Variants in SSBP4 observed in about 807,000 individuals in gnomAD.
SSBP4 encodes the protein single-stranded DNA-binding protein 4.
Under a neutral mutation model 64.6 loss-of-function variants are expected in SSBP4, and 33 were observed. The ratio of observed to expected loss-of-function variants is 0.51; its 90% CI spans 0.39 to 0.68. The LOEUF (loss-of-function observed/expected upper bound fraction) is 0.68, where lower values mean the gene tolerates loss of function less well. Ranked by LOEUF, SSBP4 falls within the 30% of genes least tolerant of loss-of-function variation. The pLI is 0.00. For synonymous variants in SSBP4, 243 were observed against 224.0 expected, an observed-to-expected ratio of 1.08 and a Z score of -0.76; for missense variants, 583 against 566.8, an observed-to-expected ratio of 1.03 and a Z score of -0.29.
chr19:18,427,212 T>C lies in SSBP4; in HGVS notation c.60-139T>C, dbSNP rs1972918017. On this transcript the variant is annotated intron_variant, in intron 1 of 17. Transcript: ENST00000270061. This position sits in a 1 kb window ranked among gnomAD's most constrained non-coding sequence, Gnocchi z 4.4. ...CTGGGAGGGGCCTGCAGGACATAGA[T>C]GGATAACTATGAGCTGTCCCTGCTG... is the stretch of plus-strand genomic sequence containing the variant. The C allele has an allele frequency of 2.4e-6, 2 of 820,818 alleles. No homozygotes were observed. Among genetic ancestry groups the C allele is most frequent in the Non-Finnish European group, 3.8e-6 (2 of 526,500 alleles). 50.8% of individuals were successfully genotyped at this position (820,818 alleles called of 1,614,324 possible).
chr19:18,417,425 G>A (rs949034434), upstream of SSBP4, among the ~76,000 whole-genome samples: 6 of 152,210 alleles, frequency 3.9e-5, no homozygotes, highest in African/African-American at 1.4e-4. This position sits in a 1 kb window ranked among gnomAD's most constrained non-coding sequence, Gnocchi z 5.4. Flanking sequence ...AACTGGGGGT[G>A]GCAGGAGGGG....
the SSBP4 span, among the ~76,000 whole-genome samples, chr19:18,405,125 A>G: frequency 6.6e-6 from 1 of 151,986 alleles, no homozygotes; most frequent in Non-Finnish European, 1.5e-5. Context: ...GGGTGATGCC[A>G]GAGTCCCTCC....
rs767929576 is a variant in SSBP4 at position 18,433,790 on chromosome 19, C to T, written c.1101C>T (p.Thr367=). The change falls in exon 17 of 18, where the codon ACC becomes ACT. Residue 367 remains threonine, a synonymous_variant. Transcript: ENST00000270061. ...RDDGEMAAAG[T]FLHPFPSESY... Reference sequence around the variant, plus strand: ...ACGGCGAGATGGCGGCCGCCGGGACCTTCCTGCACCCGTTCCCGAGCGAAA... The same window carrying T: ...ACGGCGAGATGGCGGCCGCCGGGACTTTCCTGCACCCGTTCCCGAGCGAAA... 2.8e-6 allele frequency: 4 copies of T among 1,439,010 alleles called. No individual in the cohort carries two copies. The South Asian group carries it at 5.4e-5, about 19-fold the overall frequency. 89.1% of individuals were successfully genotyped at this position (1,439,010 alleles called of 1,614,324 possible).
At position 18,432,083 on chromosome 19, in the gene SSBP4, C is replaced by G. The variant is rs371767046; in HGVS notation, c.636+13C>G. On this transcript the variant is annotated intron_variant, in intron 9 of 17. Coordinates refer to ENST00000270061, the MANE Select transcript of SSBP4 (RefSeq NM_032627.5). ...CGTGGGGCCCCAGGTAAGAGTGGAGCCCTGGTGGGTGGGGCCTTCGGGCTG... is the reference window on the plus strand; with the variant it reads ...CGTGGGGCCCCAGGTAAGAGTGGAGGCCTGGTGGGTGGGGCCTTCGGGCTG... The G allele has an allele frequency of 1.3e-5, 20 of 1,599,184 alleles. No homozygotes were observed. Among genetic ancestry groups the G allele is most frequent in the Non-Finnish European group, 1.6e-5 (19 of 1,170,584 alleles).
At chr19:18,424,524 G>A (rs930306120) in intron 1 of SSBP4, among the ~76,000 whole-genome samples, 5 of 151,838 alleles carry the variant, frequency 3.3e-5, no homozygotes, top group African/African-American at 7.3e-5. Context: ...GAAACAGTGC[G>A]CAGAGGCCCT....
chr19:18,425,098 C>T (rs1444964490), intron 1 of SSBP4, among the ~76,000 whole-genome samples: 3 of 11,716 alleles, frequency 2.6e-4, no homozygotes, highest in Admixed American at 1.0e-3. Context: ...CAGGAGGGGG[C>T]GGAGAGGGCG....
At chr19:18,431,019 G>A in intron 5 of SSBP4, 89 bp downstream of exon 5, 1 of 1,455,740 alleles carries the variant, frequency 6.9e-7, no homozygotes, top group Non-Finnish European at 9.4e-7. Context: ...CAGAGGTCAT[G>A]AGGCCGGCAG....
At chr19:18,421,802 G>A (rs527581951) in intron 1 of SSBP4, among the ~76,000 whole-genome samples, 2 of 152,150 alleles carry the variant, frequency 1.3e-5, no homozygotes, top group Non-Finnish European at 2.9e-5. Context: ...GTGGAGTGGG[G>A]CTTATAGGGG....
chr19:18,433,179 C>A lies in SSBP4; in HGVS notation c.957C>A (p.Ser319Arg). 2 of 1,587,806 alleles carry A rather than the reference C, an allele frequency of 1.3e-6. No individual in the cohort carries two copies. The highest frequency in any genetic ancestry group is 1.7e-6 in the Non-Finnish European group (2 of 1,167,810). The change falls in exon 15 of 18, where the codon AGC becomes AGA. Residue 319 changes from serine (S) to arginine (R), a missense_variant. By Grantham distance (110) the Ser-to-Arg change is moderately radical (BLOSUM62 -1). Around this residue, in one of 5 missense-constraint regions of SSBP4, gnomAD observed 444 missense variants for 386.6 expected, o/e 1.15. Transcript: ENST00000270061. ...CGGAGGGCCCCATGGCCGCCATGAG[C>A]GCGATGGAGCCTCACCACGTGAACG... Reference protein sequence around the residue: ...PGPEGPMAAMSAMEPHHVNGS... With the variant: ...PGPEGPMAAMRAMEPHHVNGS...
chr19:18,433,251 CG>C (rs1568358026), intron 15 of SSBP4, 38 bp downstream of exon 15: 3 of 1,536,738 alleles, frequency 2.0e-6, no homozygotes, highest in Non-Finnish European at 2.6e-6. Context: ...CGTTGCCTTC[CG>C]GGCCCGTGCG....
At chr19:18,403,184 C>T in the SSBP4 span, among the ~76,000 whole-genome samples, 4 of 152,190 alleles carry the variant, frequency 2.6e-5, no homozygotes, top group Non-Finnish European at 5.9e-5. Flanking sequence ...ACTTGTGACA[C>T]GGATTCCTTT....
the SSBP4 span, among the ~76,000 whole-genome samples, chr19:18,403,004 G>A: frequency 1.3e-5 from 2 of 152,348 alleles, no homozygotes; most frequent in Non-Finnish European, 2.9e-5. Flanking sequence ...TATAAAACCC[G>A]ATTGTACATT....
At chr19:18,419,216 G>C, upstream of SSBP4, 1 of 987,412 alleles carries the variant, frequency 1.0e-6, no homozygotes, top group African/African-American at 1.7e-5. Context: ...CTGGGTGGCC[G>C]TCCGGGATCC....
chr19:18,423,322 G>C lies in SSBP4; in HGVS notation c.59+3615G>C, dbSNP rs1442641440. 6.6e-6 allele frequency among the ~76,000 whole-genome samples: 1 copy of C among 152,190 alleles called. No homozygotes were observed. The highest frequency in any genetic ancestry group is 1.5e-5 in the Non-Finnish European group (1 of 68,042). ...AAGCCAGGGATGGGATTCACGATTGGACGTGGTCATTTTGGCCCCTGGCTG... is the reference window on the plus strand; with the variant it reads ...AAGCCAGGGATGGGATTCACGATTGCACGTGGTCATTTTGGCCCCTGGCTG... On this transcript the variant is annotated intron_variant, in intron 1 of 17. Coordinates refer to ENST00000270061, the MANE Select transcript of SSBP4 (RefSeq NM_032627.5). The surrounding 1 kb of genome is among the most constrained non-coding windows in gnomAD (Gnocchi z 4.0).
At chr19:18,419,367 G>A (rs1161540274), upstream of SSBP4, 7 of 1,025,812 alleles carry the variant, frequency 6.8e-6, no homozygotes, top group East Asian at 5.5e-4. Context: ...CAGCGGGCGG[G>A]GGCGCGCGCG....
rs746343000 is a variant in SSBP4, at chr19:18,432,877, C to T, written c.835C>T (p.Pro279Ser). 20 of 1,613,994 alleles carry T rather than the reference C, an allele frequency of 1.2e-5. No individual in the cohort carries two copies. The highest frequency in any genetic ancestry group is 1.7e-5 in the Non-Finnish European group (20 of 1,179,986). Residue 279 changes from proline (P) to serine (S), a missense_variant, in exon 13 of 18, where the codon CCT becomes TCT. Transcript: ENST00000270061. ...CCCTGGAACACCCATCATGCCTAGCCCTGGAGGTATGGCCTAGTAAGAGGT... is the reference window on the plus strand; with the variant it reads ...CCCTGGAACACCCATCATGCCTAGCTCTGGAGGTATGGCCTAGTAAGAGGT... ...GPPGTPIMPS[P>S]GDSTNSSENM...
chr19:18,405,386 C>A, the SSBP4 span, among the ~76,000 whole-genome samples: 1 of 151,846 alleles, frequency 6.6e-6, no homozygotes, highest in African/African-American at 2.4e-5. Flanking sequence ...CCACGCCAGG[C>A]GTGATGGCTC....
Position 18,427,560 on chromosome 19 carries a change from G to A in SSBP4, c.132+137G>A, listed in dbSNP as rs573639692. The A allele has an allele frequency of 1.3e-4, 165 of 1,265,174 alleles. No homozygotes were observed. The East Asian group carries it at 2.3e-3, about 17-fold the overall frequency. The allele number at this position is 1,265,174 out of a possible 1,614,324, so 78.4% of individuals were successfully genotyped here. A position where few individuals can be genotyped will look rare whatever the true frequency, so the allele number is the denominator to read the frequency against. ...GAACTGAGGGCTCTGCAGGGTCCAG[G>A]CCCTGGGCTAGCATCCAGGCATCTG... is the stretch of plus-strand genomic sequence containing the variant. On this transcript the variant is annotated intron_variant, in intron 2 of 17. Transcript: ENST00000270061. This position sits in a 1 kb window ranked among gnomAD's most constrained non-coding sequence, Gnocchi z 4.4.
At chr19:18,431,596 T>C (rs765488684) in intron 6 of SSBP4, 51 bp from the exon 7 acceptor site, 32 of 1,517,070 alleles carry the variant, frequency 2.1e-5, no homozygotes, top group Non-Finnish European at 2.8e-5. Flanking sequence ...TGGGGTAGCT[T>C]TGGGGACCAG....
Sources: gnomAD v4.1 joint callset for allele counts (sites outside exome capture counted in the v4.1 genomes callset) on GRCh38, gnomAD v4.1.1 for gene constraint, gnomAD v4.1.1 regional missense constraint, Gnocchi (gnomAD v3.1) non-coding constraint, MANE v1.5 for transcripts, NCBI Gene and HGNC (gene_info 2026-07-23, HGNC 2026-07-21) for gene names.